The following SLC5A7 variants were observed in gnomAD, a reference collection of about 807,000 sequenced individuals.
SLC5A7 encodes solute carrier family 5 member 7, also known as high affinity choline transporter 1.
A neutral mutation model predicts 55.4 loss-of-function variants in SLC5A7; 19 were observed. That is an observed-to-expected ratio of 0.34 (90% confidence interval 0.24 to 0.50). The LOEUF (loss-of-function observed/expected upper bound fraction) is 0.50, where lower values mean the gene tolerates loss of function less well. Among genes scored for constraint, SLC5A7 ranks in the 20% least tolerant of loss-of-function variants. The pLI is 0.98. For missense variants in SLC5A7, 506 were observed against 705.3 expected (o/e 0.72, Z 3.20); for synonymous variants, 265 against 263.7 (o/e 1.00, Z -0.05).
chr2:108,000,195 C>G (rs981934741), intron 5 of SLC5A7, among the ~76,000 whole-genome samples: 1 of 152,118 alleles, frequency 6.6e-6, no homozygotes, highest in Non-Finnish European at 1.5e-5. Flanking sequence ...TTCTTCTCCT[C>G]TTTGACTTGC....
At chr2:107,987,877 GT>G (rs893529791) in intron 1 of SLC5A7, among the ~76,000 whole-genome samples, 24 of 150,152 alleles carry the variant, frequency 1.6e-4, no homozygotes, top group African/African-American at 4.6e-4. Context: ...CTACATTTCC[GT>G]TTTTTTTTCT....
intron 5 of SLC5A7, among the ~76,000 whole-genome samples, chr2:108,001,638 A>G (rs1268614029): frequency 1.4e-5 from 2 of 141,868 alleles, no homozygotes; most frequent in Non-Finnish European, 3.0e-5. Context: ...CCGCCACTGC[A>G]CTCCAGCCTG....
chr2:108,001,276 A>T (rs1375787357), intron 5 of SLC5A7, among the ~76,000 whole-genome samples: 1 of 152,126 alleles, frequency 6.6e-6, no homozygotes, highest in East Asian at 1.9e-4. Flanking sequence ...AGGCAGATAG[A>T]TACATAGATA....
rs922361264 is a variant in SLC5A7 at position 108,011,902 on chromosome 2, G to C, written c.*1041G>C. 6.6e-6 allele frequency: 1 copy of C among 152,448 alleles called. No individual in the cohort carries two copies. The highest frequency in any genetic ancestry group is 6.6e-5 in the Admixed American group (1 of 15,248). The allele number at this position is 152,448 out of a possible 1,614,324, so 9.4% of individuals were successfully genotyped here. ...AAAAAACAAACTCTACTAATTTTTA[G>C]ATATTCATTAATAGGAAAGATTTAA... On this transcript the variant is annotated 3_prime_UTR_variant, in exon 9 of 9. Coordinates refer to ENST00000264047, the MANE Select transcript of SLC5A7 (RefSeq NM_021815.5).
intron 6 of SLC5A7, among the ~76,000 whole-genome samples, chr2:108,004,236 A>G (rs926462676): frequency 6.6e-6 from 1 of 152,246 alleles, no homozygotes; most frequent in Non-Finnish European, 1.5e-5. Context: ...TATGTAATTT[A>G]TGATGTATCA....
At chr2:107,999,578 C>G (rs1192157110) in intron 5 of SLC5A7, among the ~76,000 whole-genome samples, 1 of 152,132 alleles carries the variant, frequency 6.6e-6, no homozygotes, top group African/African-American at 2.4e-5. Context: ...AGAGAAGGCC[C>G]TATTGAATTG....
chr2:107,988,372 T>C, intron 2 of SLC5A7, 39 bp downstream of exon 2: 1 of 1,574,202 alleles, frequency 6.4e-7, no homozygotes, highest in Non-Finnish European at 8.7e-7. Flanking sequence ...AGTCCTCCCT[T>C]CCTTGGCATC....
At chr2:107,995,729 T>C (rs1480321130) in intron 4 of SLC5A7, among the ~76,000 whole-genome samples, 1 of 152,200 alleles carries the variant, frequency 6.6e-6, no homozygotes, top group East Asian at 1.9e-4. Context: ...TGAATGTGTA[T>C]AGTTCACCAT....
At chr2:108,000,823 G>A (rs961890832) in intron 5 of SLC5A7, among the ~76,000 whole-genome samples, 5 of 151,854 alleles carry the variant, frequency 3.3e-5, no homozygotes, top group African/African-American at 1.2e-4. Flanking sequence ...TAGAACTCCC[G>A]AGCACAAGCA....
At position 108,013,647 on chromosome 2, in the gene SLC5A7, A is replaced by G. The variant is rs771586973; in HGVS notation, c.*2786A>G. The G allele has an allele frequency of 2.0e-5, 3 of 152,208 alleles. No individual in the cohort carries two copies. Among genetic ancestry groups the G allele is most frequent in the Non-Finnish European group, 4.4e-5 (3 of 68,020 alleles). The allele number at this position is 152,208 out of a possible 1,614,324, so 9.4% of individuals were successfully genotyped here. On this transcript the variant is annotated 3_prime_UTR_variant, in exon 9 of 9. Coordinates refer to ENST00000264047, the MANE Select transcript of SLC5A7 (RefSeq NM_021815.5). ...TGAAAATAAAATAAACGAAACATTT[A>G]GACAATGGCTATATTAATCTGGGAA...
chr2:108,004,719 G>C (rs1267166459), intron 6 of SLC5A7, among the ~76,000 whole-genome samples: 1 of 152,074 alleles, frequency 6.6e-6, no homozygotes, highest in Non-Finnish European at 1.5e-5. Flanking sequence ...GGTCTCAACT[G>C]CCTGGTCGCT....
Position 108,010,577 on chromosome 2 carries a change from T to G in SLC5A7, c.1459T>G (p.Ser487Ala), listed in dbSNP as rs1678285197. The G allele has an allele frequency of 6.2e-7, 1 of 1,613,828 alleles. No individual in the cohort carries two copies. Among genetic ancestry groups the G allele is most frequent in the Admixed American group, 1.7e-5 (1 of 59,938 alleles). Residue 487 changes from serine (S) to alanine (A), a missense_variant, in exon 9 of 9, where the codon TCA becomes GCA. Transcript: ENST00000264047. ...ATTTAAAACACTTGCCATGGTTACA[T>G]CATTCTTAACCAACATTTGCATCTC... ...FPFKTLAMVT[S>A]FLTNICISYL... is the part of the protein sequence containing the mutation.
intron 5 of SLC5A7, among the ~76,000 whole-genome samples, chr2:108,000,736 G>C (rs902716566): frequency 6.6e-6 from 1 of 151,654 alleles, no homozygotes; most frequent in Admixed American, 6.6e-5. Flanking sequence ...CTGGGACTAC[G>C]GGTGTGCACC....
chr2:107,994,651 C>T (rs1677597391), intron 4 of SLC5A7, among the ~76,000 whole-genome samples: 1 of 152,126 alleles, frequency 6.6e-6, no homozygotes, highest in African/African-American at 2.4e-5. Flanking sequence ...GATAATAATA[C>T]TCCACATCCA....
intron 4 of SLC5A7, among the ~76,000 whole-genome samples, chr2:107,996,500 A>G (rs1284125844): frequency 1.3e-5 from 2 of 152,206 alleles, no homozygotes; most frequent in African/African-American, 2.4e-5. Context: ...TAGCATGCCA[A>G]TTGAGGAATG....
chr2:107,997,852 G>A lies in SLC5A7; in HGVS notation c.463G>A (p.Val155Met), dbSNP rs775903161. ...IFSALGATISVIIDVDMHISV... is the reference protein window; with the variant it reads ...IFSALGATISMIIDVDMHISV... ...GTTTGTTTCAGGAGCCACCATCAGC[G>A]TGATCATCGATGTGGATATGCACAT... The change falls in exon 5 of 9, where the codon GTG becomes ATG. Residue 155 changes from valine to methionine, a missense_variant. Around this residue, in one of 4 missense-constraint regions of SLC5A7, gnomAD observed 309 missense variants for 478.6 expected, o/e 0.65. Transcript: ENST00000264047. 1.3e-5 allele frequency: 21 copies of A among 1,608,752 alleles called. No individual in the cohort carries two copies. Among genetic ancestry groups the A allele is most frequent in the Admixed American group, 5.1e-5 (3 of 59,390 alleles).
intron 5 of SLC5A7, among the ~76,000 whole-genome samples, chr2:108,001,680 AAAAAAAAAAG>A (rs1426819884): frequency 1.3e-5 from 2 of 150,910 alleles, no homozygotes; most frequent in African/African-American, 4.9e-5. Context: ...CTCAAAAAAA[AAAAAAAAAAG>A]AAAAGAAATA....
intron 5 of SLC5A7, 114 bp downstream of exon 5, chr2:107,998,100 C>T (rs975269535): frequency 5.0e-6 from 5 of 1,005,342 alleles, no homozygotes; most frequent in Non-Finnish European, 6.9e-6. Flanking sequence ...GTAATACATA[C>T]TAAGTCACAT....
chr2:107,994,253 G>T (rs17269272), intron 4 of SLC5A7, among the ~76,000 whole-genome samples: 25,747 of 152,204 alleles, frequency 0.17, 2,814 homozygotes, highest in Middle Eastern at 0.32. Context: ...GACTGTTGCC[G>T]AAACAAGAGT....
Sources: allele counts gnomAD v4.1 joint callset (sites outside exome capture counted in the v4.1 genomes callset), GRCh38; gene constraint gnomAD v4.1.1; regional missense constraint gnomAD v4.1.1; transcripts MANE v1.5; gene names NCBI Gene and HGNC (gene_info 2026-07-23, HGNC 2026-07-21).